ATP8B4: variants seen among roughly 807,000 people sequenced by gnomAD.
ATP8B4 encodes ATPase phospholipid transporting 8B4 (putative).
A neutral mutation model predicts 145.6 loss-of-function variants in ATP8B4; 133 were observed. That is an observed-to-expected ratio of 0.91 (90% CI 0.79 to 1.05). The LOEUF (loss-of-function observed/expected upper bound fraction) is 1.05, where lower values mean the gene tolerates loss of function less well. ATP8B4 is among the 50% of genes least tolerant of loss of function. The probability of loss-of-function intolerance (pLI) is 0.00; values close to 1 mark genes in which losing one functional copy is unlikely to be tolerated. For missense variants in ATP8B4, 1,458 were observed against 1,425.2 expected, an observed-to-expected ratio of 1.02 and a Z score of -0.37; for synonymous variants, 507 against 492.9, an observed-to-expected ratio of 1.03 and a Z score of -0.38.
intron 4 of ATP8B4, among the ~76,000 whole-genome samples, chr15:50,046,826 G>C (rs927277469): frequency 4.6e-5 from 7 of 152,292 alleles, no homozygotes; most frequent in South Asian, 4.1e-4. Flanking sequence ...TTTTAGTTAG[G>C]AGAAAAAGCA....
intron 2 of ATP8B4, among the ~76,000 whole-genome samples, chr15:50,077,709 G>C (rs145378562): frequency 1.1e-3 from 169 of 152,298 alleles, no homozygotes; most frequent in African/African-American, 3.6e-3. Context: ...AACTGAACCA[G>C]TTGGGATCTC....
At chr15:49,910,374 A>G (rs2039103356) in intron 20 of ATP8B4, among the ~76,000 whole-genome samples, 1 of 152,222 alleles carries the variant, frequency 6.6e-6, no homozygotes, top group Non-Finnish European at 1.5e-5. Flanking sequence ...CACATATCTG[A>G]ATTATCAGCA....
Position 50,066,382 on chromosome 15 carries a change from C to A in ATP8B4, c.87+7745G>T, listed in dbSNP as rs572782317. 5.5e-4 allele frequency among the ~76,000 whole-genome samples: 83 copies of A among 152,218 alleles called. 1 individual carries two copies. Among genetic ancestry groups the A allele is most frequent in the African/African-American group, 1.9e-3 (79 of 41,548 alleles). On this transcript the variant is annotated intron_variant, in intron 3 of 27. Transcript: ENST00000284509. ...AACAACCAGAAACCCATAACAAATG[C>A]AAGTTACTGGTGCTTTCCATGACTA...
intron 2 of ATP8B4, among the ~76,000 whole-genome samples, chr15:50,095,847 C>T (rs960918313): frequency 2.0e-5 from 3 of 152,008 alleles, no homozygotes; most frequent in African/African-American, 4.8e-5. Context: ...TATTCATCAG[C>T]GCTATAGTAA....
chr15:50,043,984 A>T (rs1208752227), intron 5 of ATP8B4, among the ~76,000 whole-genome samples: 1 of 151,664 alleles, frequency 6.6e-6, no homozygotes, highest in African/African-American at 2.4e-5. Flanking sequence ...AAAAGAATAC[A>T]GTGTATAATA....
At chr15:49,879,200 G>C (rs1052046052) in intron 24 of ATP8B4, among the ~76,000 whole-genome samples, 176 bp downstream of exon 24, 1 of 152,158 alleles carries the variant, frequency 6.6e-6, no homozygotes, top group African/African-American at 2.4e-5. Flanking sequence ...GGAAGCTAGG[G>C]TATAGGGGTA....
chr15:49,860,165 A>G lies in ATP8B4; in HGVS notation c.*29T>C. 2 of 1,575,400 alleles carry G rather than the reference A, an allele frequency of 1.3e-6. No individual in the cohort carries two copies. The highest frequency in any genetic ancestry group is 1.7e-6 in the Non-Finnish European group (2 of 1,160,610). ...TTTCAGCTCCACCTGAAGTGAAAAG[A>G]TAACTACGTGGTTTAAATTCATATT... On this transcript the variant is annotated 3_prime_UTR_variant, in exon 28 of 28. Transcript: ENST00000284509.
intron 14 of ATP8B4, among the ~76,000 whole-genome samples, chr15:49,959,691 G>A (rs926829688): frequency 6.6e-6 from 1 of 151,968 alleles, no homozygotes; most frequent in African/African-American, 2.4e-5. Context: ...AAGACACTAG[G>A]TGGAAACAAT....
chr15:50,154,647 T>A (rs979367550), intron 1 of ATP8B4, among the ~76,000 whole-genome samples: 13 of 152,184 alleles, frequency 8.5e-5, no homozygotes, highest in African/African-American at 2.7e-4. Context: ...ATATATTTAG[T>A]CTTTCTATAA....
intron 24 of ATP8B4, among the ~76,000 whole-genome samples, chr15:49,877,989 G>T (rs182216418): frequency 6.6e-6 from 1 of 152,258 alleles, no homozygotes. Context: ...AAAATGAGCA[G>T]ATCTGTTGAT....
intron 14 of ATP8B4, among the ~76,000 whole-genome samples, chr15:49,951,713 A>T (rs1193719607): frequency 6.6e-6 from 1 of 152,096 alleles, no homozygotes; most frequent in African/African-American, 2.4e-5. Flanking sequence ...GTATTGTTAT[A>T]TGTGAATTTG....
chr15:50,106,004 T>C (rs955999906), intron 2 of ATP8B4, among the ~76,000 whole-genome samples: 3 of 152,200 alleles, frequency 2.0e-5, no homozygotes, highest in Non-Finnish European at 4.4e-5. Flanking sequence ...CCAGAGGGCA[T>C]AATTAATGGC....
At chr15:49,943,536 A>T (rs2042330102) in intron 14 of ATP8B4, among the ~76,000 whole-genome samples, 1 of 152,158 alleles carries the variant, frequency 6.6e-6, no homozygotes, top group African/African-American at 2.4e-5. Context: ...TCCAGCAGAA[A>T]CCTTGCAGTC....
At chr15:49,912,868 C>A (rs1221636425) in intron 20 of ATP8B4, among the ~76,000 whole-genome samples, 1 of 152,064 alleles carries the variant, frequency 6.6e-6, no homozygotes, top group Non-Finnish European at 1.5e-5. Context: ...AACTCCTGGG[C>A]TCAAATGATC....
intron 2 of ATP8B4, among the ~76,000 whole-genome samples, chr15:50,077,136 A>G (rs2054230981): frequency 6.6e-6 from 1 of 152,240 alleles, no homozygotes; most frequent in Non-Finnish European, 1.5e-5. Context: ...TACCAGTGTG[A>G]ACTCACACCT....
chr15:50,072,624 G>GA (rs1555477958), intron 3 of ATP8B4, among the ~76,000 whole-genome samples: 15 of 150,170 alleles, frequency 1.0e-4, no homozygotes, highest in African/African-American at 3.7e-4. Flanking sequence ...TTTATCTTTT[G>GA]TTTTTTTTTC....
At chr15:50,163,735 G>A (rs2044554292) in intron 1 of ATP8B4, among the ~76,000 whole-genome samples, 1 of 152,182 alleles carries the variant, frequency 6.6e-6, no homozygotes, top group Non-Finnish European at 1.5e-5. Flanking sequence ...GATCCCCCTA[G>A]CCCTCAGTGG....
intron 6 of ATP8B4, among the ~76,000 whole-genome samples, chr15:50,023,211 A>C (rs192238545): frequency 6.6e-6 from 1 of 152,302 alleles, no homozygotes; most frequent in East Asian, 1.9e-4. Flanking sequence ...GTCTGTAAAA[A>C]TATGTCTAAA....
chr15:50,060,411 C>T (rs963109907), intron 3 of ATP8B4, among the ~76,000 whole-genome samples: 19 of 152,086 alleles, frequency 1.2e-4, no homozygotes, highest in Non-Finnish European at 2.4e-4. Flanking sequence ...GCAATTTTCC[C>T]AAGAGATATT....
Sources: gnomAD v4.1 joint callset for allele counts (sites outside exome capture counted in the v4.1 genomes callset) on GRCh38, gnomAD v4.1.1 for gene constraint, MANE v1.5 for transcripts, NCBI Gene and HGNC (gene_info 2026-07-23, HGNC 2026-07-21) for gene names.